Variants in LPP observed in about 807,000 individuals in gnomAD.
LPP encodes the protein LIM domain containing preferred translocation partner in lipoma.
A neutral mutation model predicts 60.4 loss-of-function variants in LPP; 38 were observed. That is an observed-to-expected ratio of 0.63 (90% CI 0.49 to 0.83). The LOEUF (loss-of-function observed/expected upper bound fraction) is 0.83. Among genes scored for constraint, LPP ranks in the 40% least tolerant of loss-of-function variants. The pLI is 0.00. For missense variants in LPP, 902 were observed against 783.6 expected (o/e 1.15, Z -1.80); for synonymous variants, 328 against 290.8 (o/e 1.13, Z -1.30).
intron 6 of LPP, among the ~76,000 whole-genome samples, chr3:188,556,470 C>G (rs1203277727): frequency 6.6e-6 from 1 of 152,002 alleles, no homozygotes; most frequent in Admixed American, 6.6e-5. Context: ...ATTGTTAGCT[C>G]TAGTGATTAA....
intron 2 of LPP, among the ~76,000 whole-genome samples, chr3:188,332,153 T>C (rs929593723): frequency 3.3e-5 from 5 of 152,208 alleles, no homozygotes; most frequent in Non-Finnish European, 7.3e-5. Flanking sequence ...GATTTCCTTC[T>C]AAACTTTTAT....
chr3:188,452,744 C>T (rs898817981), intron 4 of LPP, among the ~76,000 whole-genome samples: 1 of 152,194 alleles, frequency 6.6e-6, no homozygotes, highest in African/African-American at 2.4e-5. Context: ...GTGGCCATCT[C>T]ATATAAAGCA....
chr3:188,523,592 T>A (rs569388338), intron 5 of LPP, among the ~76,000 whole-genome samples: 1 of 152,360 alleles, frequency 6.6e-6, no homozygotes, highest in South Asian at 2.1e-4. Context: ...CATGGCACGC[T>A]ACTTGTTGTT....
chr3:188,769,245 T>G (rs1005055141), intron 9 of LPP, among the ~76,000 whole-genome samples: 4 of 152,208 alleles, frequency 2.6e-5, no homozygotes, highest in African/African-American at 9.6e-5. Flanking sequence ...CTCTCTCACT[T>G]TAATAGACAT....
intron 1 of LPP, among the ~76,000 whole-genome samples, chr3:188,206,683 C>T (rs193050909): frequency 1.3e-3 from 202 of 152,194 alleles, no homozygotes; most frequent in Non-Finnish European, 2.3e-3. Flanking sequence ...AGAATCTGGG[C>T]GATGAGAAAG....
chr3:188,561,436 C>A (rs1228788358), intron 6 of LPP, among the ~76,000 whole-genome samples: 6 of 152,052 alleles, frequency 3.9e-5, no homozygotes, highest in Admixed American at 2.0e-4. Flanking sequence ...GAAATCCATT[C>A]TATACTTATT....
Position 188,174,160 on chromosome 3 carries a change from G to T in LPP, c.-190+19908G>T, listed in dbSNP as rs151082185. On this transcript the variant is annotated intron_variant, in intron 1 of 11. Coordinates refer to ENST00000617246, the MANE Select transcript of LPP (RefSeq NM_001375462.1). ...ATTTCAAGAAGATTGGGACAAGCTG[G>T]TGCAAAACAAAGAAGAGTTATTCAT... is the stretch of plus-strand genomic sequence containing the variant. Among the ~76,000 whole-genome samples the T allele has an allele frequency of 7.2e-5, 11 of 152,306 alleles. No individual in the cohort carries two copies. The South Asian group carries it at 2.1e-3, about 29-fold the overall frequency.
intron 6 of LPP, among the ~76,000 whole-genome samples, chr3:188,581,148 T>A (rs527764619): frequency 6.6e-6 from 1 of 152,232 alleles, no homozygotes; most frequent in Non-Finnish European, 1.5e-5. Context: ...AGTCTTTTTC[T>A]ACAGAATTTA....
At chr3:188,241,852 C>G (rs1006441404) in intron 2 of LPP, among the ~76,000 whole-genome samples, 1 of 152,114 alleles carries the variant, frequency 6.6e-6, no homozygotes, top group African/African-American at 2.4e-5. Flanking sequence ...GGGAGTAGGA[C>G]ATTCTGAAAA....
intron 9 of LPP, among the ~76,000 whole-genome samples, chr3:188,810,714 G>A (rs996901724): frequency 3.9e-5 from 6 of 152,220 alleles, no homozygotes; most frequent in South Asian, 2.1e-4. Context: ...AGGACACTAC[G>A]GTAGTTGGTT....
chr3:188,399,052 C>G (rs961092858), intron 3 of LPP, among the ~76,000 whole-genome samples: 1 of 152,238 alleles, frequency 6.6e-6, no homozygotes, highest in African/African-American at 2.4e-5. Context: ...CAAGATCTTT[C>G]ATAGACTCAT....
At chr3:188,575,744 T>A (rs1207899032) in intron 6 of LPP, among the ~76,000 whole-genome samples, 5 of 152,156 alleles carry the variant, frequency 3.3e-5, no homozygotes, top group East Asian at 1.9e-4. Flanking sequence ...CCGCTTTTTT[T>A]AAATTAAATT....
At position 188,609,475 on chromosome 3, in the gene LPP, C is replaced by T. The variant is rs1376880216; in HGVS notation, c.744C>T (p.Pro248=). The T allele has an allele frequency of 6.2e-7, 1 of 1,614,170 alleles. No individual in the cohort carries two copies. ...CAGGACAAATTTATGGCTCAGGGCC[C>T]CAGGGCTATAACACTCAGCCAGTTC... ...PSSGQIYGSG[P]QGYNTQPVPV... The change falls in exon 7 of 12, where the codon CCC becomes CCT. Residue 248 remains proline, a synonymous_variant. Transcript: ENST00000617246. The surrounding 1 kb of genome is among the most constrained non-coding windows in gnomAD (Gnocchi z 6.9).
chr3:188,234,907 A>G (rs1721332688), intron 2 of LPP, among the ~76,000 whole-genome samples: 1 of 152,224 alleles, frequency 6.6e-6, no homozygotes, highest in Admixed American at 6.5e-5. Context: ...GCCTTACCCC[A>G]TGAATCCATT....
chr3:188,680,296 T>C (rs969064476), intron 7 of LPP, among the ~76,000 whole-genome samples: 2 of 152,228 alleles, frequency 1.3e-5, no homozygotes, highest in Non-Finnish European at 2.9e-5. Context: ...CTAAATTGGA[T>C]CGCTTCAGAT....
rs189262440 is a variant in LPP, at chr3:188,309,748, A to G, written c.-66-31915A>G. 3.0e-3 allele frequency among the ~76,000 whole-genome samples: 462 copies of G among 152,286 alleles called. 4 individuals are homozygous for G. Among genetic ancestry groups the G allele is most frequent in the Non-Finnish European group, 5.4e-3 (364 of 68,022 alleles). On this transcript the variant is annotated intron_variant, in intron 2 of 11. Transcript: ENST00000617246. ...GTGAGGTGGCTTGCTTGTTTTGAAA[A>G]TGGGCTGATTTTGACAAAGGGGAAA... is the stretch of plus-strand genomic sequence containing the variant.
At chr3:188,543,035 G>A (rs1328848014) in intron 6 of LPP, among the ~76,000 whole-genome samples, 4 of 152,122 alleles carry the variant, frequency 2.6e-5, no homozygotes, top group African/African-American at 9.7e-5. Flanking sequence ...AGGTCTGACT[G>A]CTCTTTGCAA....
chr3:188,325,497 CT>C (rs1318836947), intron 2 of LPP, among the ~76,000 whole-genome samples: 2 of 152,172 alleles, frequency 1.3e-5, no homozygotes, highest in African/African-American at 4.8e-5. Context: ...ACATACCCCC[CT>C]CCCCATCATT....
At chr3:188,475,540 G>T (rs542717170) in intron 4 of LPP, among the ~76,000 whole-genome samples, 1 of 152,024 alleles carries the variant, frequency 6.6e-6, no homozygotes, top group Non-Finnish European at 1.5e-5. Flanking sequence ...TTAACATACA[G>T]GCCTATATAA....
Sources: allele counts gnomAD v4.1 joint callset (sites outside exome capture counted in the v4.1 genomes callset), GRCh38; gene constraint gnomAD v4.1.1; non-coding constraint Gnocchi (gnomAD v3.1); transcripts MANE v1.5; gene names NCBI Gene and HGNC (gene_info 2026-07-23, HGNC 2026-07-21).